The following GALNT17 variants were observed in gnomAD, a reference collection of about 807,000 sequenced individuals.
GALNT17 encodes the protein UDP-GalNAc:polypeptide N-acetylgalactosaminyltransferase-like 3.
In GALNT17, 29 loss-of-function variants were observed where a neutral mutation model predicts 63.7. The ratio of observed to expected loss-of-function variants is 0.46; its 90% confidence interval spans 0.34 to 0.62. The LOEUF is 0.62. Among genes scored for constraint, GALNT17 ranks in the 20% least tolerant of loss-of-function variants. The pLI, the probability that GALNT17 is intolerant of heterozygous loss-of-function variation, is 0.01. For missense variants in GALNT17, 603 were observed against 799.6 expected (o/e 0.75, Z 2.97); for synonymous variants, 305 against 318.3 (o/e 0.96, Z 0.45).
Position 71,132,752 on chromosome 7 carries a change from C to A in GALNT17, c.-51C>A. Reference sequence around the variant, plus strand: ...CGGCCCCTGGCTGCCCCGCGCCTCGCCGGAGCCCGAGGGGGCGCAGGTCCG... The same window carrying A: ...CGGCCCCTGGCTGCCCCGCGCCTCGACGGAGCCCGAGGGGGCGCAGGTCCG... On this transcript the variant is annotated 5_prime_UTR_variant, in exon 1 of 11. Transcript: ENST00000333538. 1 of 1,490,104 alleles carries A rather than the reference C, an allele frequency of 6.7e-7. No individual in the cohort carries two copies. The highest frequency in any genetic ancestry group is 1.3e-5 in the South Asian group (1 of 78,118). 92.3% of individuals were successfully genotyped at this position (1,490,104 alleles called of 1,614,324 possible).
intron 5 of GALNT17, among the ~76,000 whole-genome samples, chr7:71,524,999 T>G (rs751532030): frequency 4.7e-4 from 71 of 152,190 alleles, no homozygotes; most frequent in Non-Finnish European, 7.2e-4. Flanking sequence ...TTTGTTTTTC[T>G]CCGATACTTC....
chr7:71,380,966 G>GTT (rs796556141), intron 2 of GALNT17, among the ~76,000 whole-genome samples: 2 of 141,194 alleles, frequency 1.4e-5, no homozygotes, highest in South Asian at 2.3e-4. Context: ...TGGGGTTTTT[G>GTT]TTTTTTTTTT....
intron 4 of GALNT17, among the ~76,000 whole-genome samples, chr7:71,420,431 C>T (rs1786640849): frequency 1.3e-5 from 2 of 152,094 alleles, no homozygotes; most frequent in African/African-American, 4.8e-5. Flanking sequence ...TGTGTTAAAA[C>T]CAGGCCATCC....
At chr7:71,360,338 T>G (rs550949457) in intron 2 of GALNT17, among the ~76,000 whole-genome samples, 19 of 152,212 alleles carry the variant, frequency 1.2e-4, no homozygotes, top group African/African-American at 4.6e-4. Flanking sequence ...CCATCATAAC[T>G]ACTAAATAAA....
intron 5 of GALNT17, among the ~76,000 whole-genome samples, chr7:71,433,007 C>CT (rs1786895915): frequency 6.6e-6 from 1 of 152,174 alleles, no homozygotes. Flanking sequence ...GACAGGGTTT[C>CT]ACCATGTTGG....
intron 5 of GALNT17, among the ~76,000 whole-genome samples, chr7:71,424,047 G>C (rs753163541): frequency 1.1e-4 from 17 of 152,158 alleles, no homozygotes; most frequent in Non-Finnish European, 1.8e-4. Context: ...TAATCTTTTG[G>C]GTCTACAACT....
At chr7:71,489,647 A>G (rs1787973479) in intron 5 of GALNT17, among the ~76,000 whole-genome samples, 1 of 152,244 alleles carries the variant, frequency 6.6e-6, no homozygotes, top group Non-Finnish European at 1.5e-5. Context: ...GCACCAGCCA[A>G]CGAGACATGG....
At chr7:71,321,922 C>CCTTTCTTCCTTCCTTCCTTCCTTCCCCT (rs1563001220) in intron 1 of GALNT17, among the ~76,000 whole-genome samples, 22 of 28,476 alleles carry the variant, frequency 7.7e-4, no homozygotes, top group African/African-American at 1.7e-3. Flanking sequence ...TTCCTTCCTT[C>CCTTTCTTCCTTCCTTCCTTCCTTCCCCT]CCCTCCCTCC....
chr7:71,584,510 T>C (rs191000275), intron 6 of GALNT17, among the ~76,000 whole-genome samples: 1 of 152,308 alleles, frequency 6.6e-6, no homozygotes, highest in East Asian at 1.9e-4. Flanking sequence ...ATAAATACTT[T>C]ACAGTGCATT....
At chr7:71,564,222 G>A (rs1247926364) in intron 5 of GALNT17, among the ~76,000 whole-genome samples, 1 of 148,964 alleles carries the variant, frequency 6.7e-6, no homozygotes, top group Non-Finnish European at 1.5e-5. Context: ...GTCAGGCTCT[G>A]TAAGCAGATT....
At chr7:71,282,190 C>A (rs114678551) in intron 1 of GALNT17, among the ~76,000 whole-genome samples, 1 of 152,324 alleles carries the variant, frequency 6.6e-6, no homozygotes, top group African/African-American at 2.4e-5. Flanking sequence ...AACGAAAAAG[C>A]TCAGACAAAA....
At chr7:71,369,998 A>C (rs1792592293) in intron 2 of GALNT17, among the ~76,000 whole-genome samples, 1 of 152,056 alleles carries the variant, frequency 6.6e-6, no homozygotes, top group Non-Finnish European at 1.5e-5. Flanking sequence ...GGTCTAGAGG[A>C]AGCAATTGGC....
chr7:71,330,023 A>G (rs927135253), intron 1 of GALNT17, among the ~76,000 whole-genome samples: 4 of 150,348 alleles, frequency 2.7e-5, no homozygotes, highest in Non-Finnish European at 5.9e-5. Flanking sequence ...ATACATGTAT[A>G]TATATTTGAG....
intron 1 of GALNT17, among the ~76,000 whole-genome samples, chr7:71,244,472 A>C (rs1253976499): frequency 6.6e-6 from 1 of 151,990 alleles, no homozygotes; most frequent in South Asian, 2.1e-4. Flanking sequence ...TTGAACCTCA[A>C]CTCTGCCCTT....
At chr7:71,230,478 A>G (rs1304114766) in intron 1 of GALNT17, among the ~76,000 whole-genome samples, 1 of 152,030 alleles carries the variant, frequency 6.6e-6, no homozygotes, top group Non-Finnish European at 1.5e-5. Context: ...CTTCTTTTCC[A>G]CGCACACCCC....
intron 1 of GALNT17, among the ~76,000 whole-genome samples, chr7:71,158,158 C>G (rs74977521): frequency 0.012 from 1,864 of 150,878 alleles, 88 homozygotes; most frequent in African/African-American, 0.044. Flanking sequence ...AGTGGAATTG[C>G]TATATCCTAT....
At chr7:71,604,124 A>G (rs956378755) in intron 6 of GALNT17, among the ~76,000 whole-genome samples, 3 of 152,180 alleles carry the variant, frequency 2.0e-5, no homozygotes, top group Admixed American at 1.3e-4. Flanking sequence ...TGCTAAGTGC[A>G]TATACCAGGT....
chr7:71,441,302 T>C (rs775936615), intron 5 of GALNT17, among the ~76,000 whole-genome samples: 1 of 152,144 alleles, frequency 6.6e-6, no homozygotes, highest in Non-Finnish European at 1.5e-5. Context: ...TATTTGAGAT[T>C]GGGAAGTCAA....
At chr7:71,200,015 C>T (rs1437442901) in intron 1 of GALNT17, among the ~76,000 whole-genome samples, 1 of 152,140 alleles carries the variant, frequency 6.6e-6, no homozygotes, top group Non-Finnish European at 1.5e-5. Flanking sequence ...TTCTTGTAAA[C>T]ACACATCTCC....
Sources: allele counts gnomAD v4.1 joint callset (sites outside exome capture counted in the v4.1 genomes callset), GRCh38; gene constraint gnomAD v4.1.1; transcripts MANE v1.5; gene names NCBI Gene and HGNC (gene_info 2026-07-23, HGNC 2026-07-21).